GPM6B: variants seen among roughly 807,000 people sequenced by gnomAD.
GPM6B encodes neuronal membrane glycoprotein M6-b.
A neutral mutation model predicts 27.2 loss-of-function variants in GPM6B; 4 were observed. The observed-to-expected ratio is 0.15, with a 90% CI of 0.07 to 0.34. GPM6B has a LOEUF of 0.34. Ranked by LOEUF, GPM6B falls within the 10% of genes least tolerant of loss-of-function variation. The pLI, the probability that GPM6B is intolerant of heterozygous loss-of-function variation, is 1.00. For missense variants in GPM6B, 183 were observed against 261.9 expected, an observed-to-expected ratio of 0.70 and a Z score of 2.08; for synonymous variants, 124 against 103.1, an observed-to-expected ratio of 1.20 and a Z score of -1.23.
At chrX:13,852,375 C>G (rs1284569170) in intron 1 of GPM6B, among the ~76,000 whole-genome samples, 1 of 111,360 alleles carries the variant, frequency 9.0e-6, no homozygotes, top group Admixed American at 9.6e-5. Flanking sequence ...CTCCTCTCAG[C>G]TCTTTTCATT....
At chrX:13,795,583 T>C (rs1354343065) in intron 2 of GPM6B, among the ~76,000 whole-genome samples, 1 of 111,697 alleles carries the variant, frequency 9.0e-6, no homozygotes, top group Non-Finnish European at 1.9e-5. Context: ...TTTGCAAAAA[T>C]GTAAAACAGT....
chrX:13,848,675 G>A (rs1603077088), intron 1 of GPM6B, among the ~76,000 whole-genome samples: 1 of 111,868 alleles, frequency 8.9e-6, no homozygotes, highest in South Asian at 3.7e-4. Flanking sequence ...CAGCTACTTT[G>A]GGAAACAATA....
intron 1 of GPM6B, among the ~76,000 whole-genome samples, chrX:13,858,722 C>T (rs1332782924): frequency 2.7e-5 from 3 of 111,772 alleles, no homozygotes; most frequent in African/African-American, 6.5e-5. Context: ...TGTCAGAGGC[C>T]TTCCCTGACC....
At chrX:13,803,798 C>T (rs907999414) in intron 2 of GPM6B, among the ~76,000 whole-genome samples, 1 of 111,519 alleles carries the variant, frequency 9.0e-6, no homozygotes, top group African/African-American at 3.3e-5. Context: ...ACTGCCCCTT[C>T]CCCAAACCCC....
intron 1 of GPM6B, among the ~76,000 whole-genome samples, chrX:13,859,822 A>G (rs1402896332): frequency 9.0e-6 from 1 of 111,439 alleles, no homozygotes; most frequent in Non-Finnish European, 1.9e-5. Context: ...GTCAGCTATT[A>G]TAACTATGCT....
intron 1 of GPM6B, among the ~76,000 whole-genome samples, chrX:13,891,480 C>G (rs1332518203): frequency 4.4e-5 from 5 of 112,382 alleles, no homozygotes; most frequent in Non-Finnish European, 7.5e-5. Flanking sequence ...TTTGAAAGAG[C>G]TGCTTCTCAA....
At chrX:13,905,283 C>T (rs1307265915) in intron 1 of GPM6B, among the ~76,000 whole-genome samples, 2 of 107,138 alleles carry the variant, frequency 1.9e-5, no homozygotes, top group African/African-American at 6.8e-5. Flanking sequence ...TTATTTGATG[C>T]TCAAAAAATC....
intron 1 of GPM6B, among the ~76,000 whole-genome samples, chrX:13,865,405 C>T (rs187474953): frequency 1.0e-4 from 11 of 107,373 alleles, no homozygotes; most frequent in Admixed American, 1.0e-4. Flanking sequence ...GCCAAATTCA[C>T]GGATTTATGT....
intron 1 of GPM6B, among the ~76,000 whole-genome samples, chrX:13,910,227 C>T (rs1366959443): frequency 8.9e-6 from 1 of 112,380 alleles, no homozygotes; most frequent in Non-Finnish European, 1.9e-5. Flanking sequence ...CACTTCTCAA[C>T]CCTGGCTGCA....
At chrX:13,901,158 T>C (rs778699693) in intron 1 of GPM6B, among the ~76,000 whole-genome samples, 1 of 111,969 alleles carries the variant, frequency 8.9e-6, no homozygotes, top group Admixed American at 9.5e-5. Flanking sequence ...ATAATCCTTC[T>C]CTTTCTAAGA....
At chrX:13,936,853 G>A (rs1263206633) in intron 1 of GPM6B, among the ~76,000 whole-genome samples, 2 of 112,467 alleles carry the variant, frequency 1.8e-5, no homozygotes, top group African/African-American at 3.2e-5. Context: ...TCAGTCCAAA[G>A]TATTGTGAAA....
chrX:13,775,488 T>G (rs2048395566), intron 7 of GPM6B, among the ~76,000 whole-genome samples: 1 of 112,331 alleles, frequency 8.9e-6, no homozygotes, highest in South Asian at 3.7e-4. Flanking sequence ...TTTTGCTGCT[T>G]AAAATGGCTC....
intron 1 of GPM6B, among the ~76,000 whole-genome samples, chrX:13,929,271 T>C (rs758253182): frequency 9.0e-6 from 1 of 111,322 alleles, no homozygotes; most frequent in South Asian, 3.8e-4. Flanking sequence ...GCACTAATCA[T>C]TAGAAGTTAC....
intron 1 of GPM6B, among the ~76,000 whole-genome samples, chrX:13,923,717 T>G (rs1459768250): frequency 2.7e-5 from 3 of 112,548 alleles, no homozygotes; most frequent in African/African-American, 9.7e-5. Context: ...TGGGTTACTT[T>G]AGCTGTATCG....
At position 13,845,012 on chromosome X, in the gene GPM6B, C is replaced by T. The variant is rs371676183; in HGVS notation, c.-197-59204G>A. Among the ~76,000 whole-genome samples, 414 of 96,897 alleles carry T rather than the reference C, an allele frequency of 4.3e-3. 8 individuals are homozygous for T. The highest frequency in any genetic ancestry group is 0.015 in the African/African-American group (396 of 25,743). The allele number at this position is 96,897 out of a possible 115,157, so 84.1% of individuals were successfully genotyped here. A position where few individuals can be genotyped will look rare whatever the true frequency, so the allele number is the denominator to read the frequency against. On this transcript the variant is annotated intron_variant, in intron 1 of 6. Transcript: ENST00000398361. ...TTTTTCTTTTTTTTTTTTTTTGAGA[C>T]GGAGTCTCGCTCTGTTGCCCAGGCT... is the stretch of plus-strand genomic sequence containing the variant.
At chrX:13,800,066 TCTGTC>T (rs1341800635) in intron 2 of GPM6B, among the ~76,000 whole-genome samples, 2 of 112,069 alleles carry the variant, frequency 1.8e-5, no homozygotes, top group Non-Finnish European at 3.8e-5. Flanking sequence ...AAAATTGACT[TCTGTC>T]CTGTTAGCAT....
intron 1 of GPM6B, among the ~76,000 whole-genome samples, chrX:13,872,757 C>T (rs960901035): frequency 4.5e-5 from 5 of 110,479 alleles, no homozygotes; most frequent in African/African-American, 1.6e-4. Context: ...GACAAGGAGT[C>T]AGAAGTGAAA....
At chrX:13,783,964 AAT>A (rs1283258612) in intron 3 of GPM6B, 9 of 288,205 alleles carry the variant, frequency 3.1e-5, no homozygotes, top group African/African-American at 2.5e-4. Context: ...CCTAGTGGTT[AAT>A]GTCACTCTGA....
intron 1 of GPM6B, among the ~76,000 whole-genome samples, chrX:13,901,604 A>C (rs1411586845): frequency 1.8e-5 from 2 of 111,571 alleles, no homozygotes; most frequent in Non-Finnish European, 3.8e-5. Context: ...AGCCAGCCAG[A>C]CAAGGTCACA....
Sources: allele counts gnomAD v4.1 joint callset (sites outside exome capture counted in the v4.1 genomes callset), GRCh38; gene constraint gnomAD v4.1.1; transcripts MANE v1.5; gene names NCBI Gene and HGNC (gene_info 2026-07-23, HGNC 2026-07-21).